The following THBS4 variants were observed in gnomAD, a reference collection of about 807,000 sequenced individuals.
THBS4 encodes thrombospondin 4, also known as thrombospondin-4.
THBS4 carries 90 observed loss-of-function variants against 115.7 expected under a neutral mutation model. The ratio of observed to expected loss-of-function variants is 0.78; its 90% CI spans 0.66 to 0.93. The LOEUF (loss-of-function observed/expected upper bound fraction) is 0.93, where lower values mean the gene tolerates loss of function less well. THBS4 is among the 40% of genes least tolerant of loss of function. The pLI is 0.00. For synonymous variants in THBS4, 460 were observed against 479.3 expected, an observed-to-expected ratio of 0.96 and a Z score of 0.53; for missense variants, 1,087 against 1,232.7, an observed-to-expected ratio of 0.88 and a Z score of 1.77.
intron 2 of THBS4, among the ~76,000 whole-genome samples, chr5:80,055,433 G>A (rs551460268): frequency 3.3e-5 from 5 of 152,164 alleles, no homozygotes; most frequent in South Asian, 2.1e-4. Context: ...CATGCTCTAC[G>A]CTTATATAGA....
chr5:80,008,317 G>A (rs1580906449), intron 2 of THBS4, among the ~76,000 whole-genome samples: 1 of 152,232 alleles, frequency 6.6e-6, no homozygotes, highest in African/African-American at 2.4e-5. Flanking sequence ...TAAAATATAA[G>A]ATGATGCCCA....
chr5:80,078,742 A>G, intron 17 of THBS4, 179 bp from the exon 18 acceptor site: 1 of 546,696 alleles, frequency 1.8e-6, no homozygotes, highest in East Asian at 2.9e-5. Context: ...TAACCTTTAC[A>G]AGCACATGCT....
Position 80,059,444 on chromosome 5 carries a change from A to G in THBS4, c.737A>G (p.Lys246Arg). 6.2e-7 allele frequency: 1 copy of G among 1,614,034 alleles called. No individual in the cohort carries two copies. Among genetic ancestry groups the G allele is most frequent in the African/African-American group, 1.3e-5 (1 of 75,016 alleles). The change falls in exon 6 of 22, where the codon AAG (lysine) becomes AGG (arginine). Residue 246 changes from lysine to arginine, a missense_variant. Physicochemically the swap from Lys to Arg is conservative, Grantham distance 26. Coordinates refer to ENST00000350881, the MANE Select transcript of THBS4 (RefSeq NM_003248.6). Reference protein sequence around the residue: ...EVKDLLRQQVKETSFLRNTIA... With the variant: ...EVKDLLRQQVRETSFLRNTIA... ...TTCCCCTTCTCATTTTTAAAGGTTA[A>G]GGAAACATCATTTTTGCGAAACACC...
chr5:80,035,768 T>A lies in THBS4; in HGVS notation c.88+143T>A. On this transcript the variant is annotated intron_variant, in intron 1 of 21. Transcript: ENST00000350881. The surrounding 1 kb of genome is among the most constrained non-coding windows in gnomAD (Gnocchi z 4.6). ...CCTCCCGGGCCCAATCAAAGCATAT[T>A]GTGATTGGAGGTAGTGATTAGTCTA... The A allele has an allele frequency of 1.6e-6, 1 of 611,742 alleles. No individual in the cohort carries two copies. Among genetic ancestry groups the A allele is most frequent in the East Asian group, 3.5e-5 (1 of 28,848 alleles). 37.9% of individuals were successfully genotyped at this position (611,742 alleles called of 1,614,324 possible).
In THBS4 at chr5:80,001,901, T is replaced by G. The variant is rs571408201; in HGVS notation, n.177+3474T>G. Among the ~76,000 whole-genome samples the G allele has an allele frequency of 2.1e-4, 32 of 152,272 alleles. No individual in the cohort carries two copies. The South Asian group carries it at 6.4e-3, about 31-fold the overall frequency. On this transcript the variant is annotated intron_variant and non_coding_transcript_variant, in intron 2 of 3. Transcript: ENST00000510218. The stretch of plus-strand genomic sequence containing the variant: ...TTCTGTTTGTCTCCAAAGCCATGAT[T>G]TTTACATTAAACCATATTTACTTCA...
rs769845724 is a variant in THBS4 at position 80,058,786 on chromosome 5, A to C, written c.728A>C (p.Gln243Pro). 1 of 1,613,722 alleles carries C rather than the reference A, an allele frequency of 6.2e-7. No homozygotes were observed. ...LLGEVKDLLR[Q>P]QVKETSFLRN... ...GGAGAGGTGAAGGACCTTCTGAGAC[A>C]GCAGGTAACAAGCGGGACATATCAT... The change falls in exon 5 of 22, where the codon CAG (glutamine) becomes CCG (proline). Residue 243 changes from glutamine (Q) to proline (P), a missense_variant. Gln to Pro is a moderately conservative substitution (Grantham distance 76, BLOSUM62 -1). Coordinates refer to ENST00000350881, the MANE Select transcript of THBS4 (RefSeq NM_003248.6).
chr5:80,032,094 G>GT (rs1391915839), upstream of THBS4, among the ~76,000 whole-genome samples: 21 of 152,100 alleles, frequency 1.4e-4, no homozygotes, highest in African/African-American at 4.6e-4. Context: ...AAAATCCAAT[G>GT]TAAGTACATG....
intron 8 of THBS4, among the ~76,000 whole-genome samples, chr5:80,063,344 G>A (rs1365547454): frequency 6.6e-6 from 1 of 152,140 alleles, no homozygotes; most frequent in East Asian, 1.9e-4. Context: ...AGAAGTGTCT[G>A]TTCATATCCT....
chr5:80,062,476 G>A (rs1833667316), intron 8 of THBS4, among the ~76,000 whole-genome samples: 1 of 152,184 alleles, frequency 6.6e-6, no homozygotes, highest in Non-Finnish European at 1.5e-5. Context: ...TAGCTTTGAA[G>A]AAGGGCAGGG....
rs140041118 is a variant in THBS4 at position 80,067,283 on chromosome 5, T to G, written c.1195-690T>G. 502 of 152,238 alleles carry G rather than the reference T, an allele frequency of 3.3e-3. 1 individual carries two copies. The highest frequency in any genetic ancestry group is 0.012 in the African/African-American group (480 of 41,550). The allele number at this position is 152,238 out of a possible 1,614,324, so 9.4% of individuals were successfully genotyped here. A position where few individuals can be genotyped will look rare whatever the true frequency, so the allele number is the denominator to read the frequency against. On this transcript the variant is annotated intron_variant, in intron 9 of 21. Transcript: ENST00000350881. ...TATCACATCATCACACTGCACACTT[T>G]AAATATATTCAGTTTTGTCAATTAT...
upstream of THBS4, among the ~76,000 whole-genome samples, chr5:80,031,304 C>G (rs1009842174): frequency 6.6e-6 from 1 of 152,078 alleles, no homozygotes; most frequent in African/African-American, 2.4e-5. Flanking sequence ...GAAGGAGCAC[C>G]TAGGCATTCT....
At chr5:80,079,321 T>C (rs1234510073) in intron 19 of THBS4, 63 bp downstream of exon 19, 3 of 1,498,676 alleles carry the variant, frequency 2.0e-6, no homozygotes, top group African/African-American at 1.4e-5. Context: ...TTTTCAGATA[T>C]TGTGTTTTCC....
intron 2 of THBS4, among the ~76,000 whole-genome samples, 183 bp downstream of exon 2, chr5:80,040,463 G>A (rs962837846): frequency 3.3e-5 from 5 of 150,764 alleles, no homozygotes; most frequent in South Asian, 4.2e-4. Flanking sequence ...GGTGGGGGGC[G>A]GTTCAGGAAG....
chr5:80,083,250 G>T lies in THBS4; in HGVS notation c.*109G>T. ...CCAAATATATCAAAACGTTTTATGT[G>T]AATGTGGCAATAAAGGAGAAGAGAT... On this transcript the variant is annotated 3_prime_UTR_variant, in exon 22 of 22. Coordinates refer to ENST00000350881, the MANE Select transcript of THBS4 (RefSeq NM_003248.6). 1.0e-6 allele frequency: 1 copy of T among 953,230 alleles called. No individual in the cohort carries two copies. Among genetic ancestry groups the T allele is most frequent in the Non-Finnish European group, 1.7e-6 (1 of 594,162 alleles). The allele number at this position is 953,230 out of a possible 1,614,324, so 59.0% of individuals were successfully genotyped here.
chr5:80,041,285 G>A (rs1832893086), intron 2 of THBS4, among the ~76,000 whole-genome samples: 1 of 152,088 alleles, frequency 6.6e-6, no homozygotes. Flanking sequence ...TTCCCATCAT[G>A]AGGGCCACAC....
chr5:80,048,962 A>G (rs912139007), intron 2 of THBS4, among the ~76,000 whole-genome samples: 4 of 152,200 alleles, frequency 2.6e-5, no homozygotes, highest in African/African-American at 4.8e-5. Context: ...GGCTTCCATC[A>G]TATGTTTAAA....
At chr5:80,054,985 T>C (rs571036483) in intron 2 of THBS4, among the ~76,000 whole-genome samples, 44 of 152,280 alleles carry the variant, frequency 2.9e-4, no homozygotes, top group South Asian at 1.7e-3. Flanking sequence ...TCACTTTCCT[T>C]GTCCATAGTT....
chr5:80,044,943 T>C (rs1006395088), intron 2 of THBS4, among the ~76,000 whole-genome samples: 2 of 152,158 alleles, frequency 1.3e-5, no homozygotes, highest in African/African-American at 4.8e-5. Context: ...AACTTTCCAG[T>C]TTGTATCCTG....
At chr5:80,036,028 G>A (rs1580930229) in intron 1 of THBS4, 1 of 999,692 alleles carries the variant, frequency 1.0e-6, no homozygotes, top group South Asian at 4.7e-5. Context: ...CAGGCGGAGC[G>A]ATGTATGCCC....
Sources: allele counts gnomAD v4.1 joint callset (sites outside exome capture counted in the v4.1 genomes callset), GRCh38; gene constraint gnomAD v4.1.1; non-coding constraint Gnocchi (gnomAD v3.1); transcripts MANE v1.5; gene names NCBI Gene and HGNC (gene_info 2026-07-23, HGNC 2026-07-21).